Variants in PAMR1 observed in about 807,000 individuals in gnomAD.
PAMR1 encodes the protein inactive serine protease PAMR1.
In PAMR1, 88 loss-of-function variants were observed where a neutral mutation model predicts 81.8. The ratio of observed to expected loss-of-function variants is 1.08; its 90% CI spans 0.91 to 1.28. PAMR1 has a LOEUF of 1.28. Ranked by LOEUF, PAMR1 falls within the 50% of genes most tolerant of loss-of-function variation. PAMR1 has a pLI of 0.00. For synonymous variants in PAMR1, 336 were observed against 345.3 expected, an observed-to-expected ratio of 0.97 and a Z score of 0.30; for missense variants, 935 against 919.7, an observed-to-expected ratio of 1.02 and a Z score of -0.21.
chr11:35,505,438 T>C (rs1338098175), intron 1 of PAMR1, among the ~76,000 whole-genome samples: 1 of 152,142 alleles, frequency 6.6e-6, no homozygotes, highest in Non-Finnish European at 1.5e-5. Context: ...GAGTAGGGTG[T>C]TGAAGTCCCC....
At chr11:35,477,461 A>G (rs1025428150) in intron 3 of PAMR1, among the ~76,000 whole-genome samples, 1 of 152,192 alleles carries the variant, frequency 6.6e-6, no homozygotes, top group Non-Finnish European at 1.5e-5. Flanking sequence ...CGTTATCCTA[A>G]TGGTAAAGCA....
chr11:35,496,547 T>C (rs1264508039), intron 1 of PAMR1, among the ~76,000 whole-genome samples: 1 of 152,120 alleles, frequency 6.6e-6, no homozygotes, highest in Non-Finnish European at 1.5e-5. Context: ...GAAATGCAAA[T>C]CAAAATCACA....
At chr11:35,468,178 C>T (rs1237147969) in intron 5 of PAMR1, 70 bp from the exon 6 acceptor site, 1 of 894,148 alleles carries the variant, frequency 1.1e-6, no homozygotes, top group Non-Finnish European at 1.7e-6. Flanking sequence ...AGAGTCTTGA[C>T]CAAAGTCTTT....
At chr11:35,447,482 C>T (rs116413877) in intron 6 of PAMR1, among the ~76,000 whole-genome samples, 1,792 of 152,136 alleles carry the variant, frequency 0.012, 38 homozygotes, top group African/African-American at 0.041. Flanking sequence ...GGGTTACAGG[C>T]GTGAGCCATT....
intron 3 of PAMR1, among the ~76,000 whole-genome samples, chr11:35,485,877 G>T (rs1163792151): frequency 6.6e-6 from 1 of 152,220 alleles, no homozygotes; most frequent in Non-Finnish European, 1.5e-5. Context: ...AGGATCGCTT[G>T]GGCGCCATCT....
chr11:35,435,336 T>C (rs910379042), intron 9 of PAMR1, among the ~76,000 whole-genome samples: 1 of 152,226 alleles, frequency 6.6e-6, no homozygotes, highest in African/African-American at 2.4e-5. Context: ...CATAACCTTA[T>C]GATGTAATTA....
chr11:35,433,494 A>G (rs557007350), intron 10 of PAMR1, among the ~76,000 whole-genome samples: 2 of 152,286 alleles, frequency 1.3e-5, no homozygotes, highest in African/African-American at 2.4e-5. Flanking sequence ...AGGAGCACAC[A>G]TCTTGTAAAA....
chr11:35,495,000 G>T (rs1241550719), intron 1 of PAMR1, among the ~76,000 whole-genome samples: 3 of 152,124 alleles, frequency 2.0e-5, no homozygotes, highest in African/African-American at 7.2e-5. Flanking sequence ...CGACTACATA[G>T]GTTGTGCACT....
chr11:35,519,816 ACAGC>A (rs1046638428), intron 1 of PAMR1, among the ~76,000 whole-genome samples: 1 of 152,170 alleles, frequency 6.6e-6, no homozygotes, highest in Non-Finnish European at 1.5e-5. Context: ...TCGCCAAAAT[ACAGC>A]CAGCAGATCT....
upstream of PAMR1, chr11:35,525,721 C>T (rs111698048): frequency 3.4e-4 from 239 of 700,736 alleles, 1 homozygote; most frequent in African/African-American, 3.7e-3. Context: ...TCGCCAGGCT[C>T]TCCCATCCTC....
At chr11:35,482,110 C>A (rs1033137235) in intron 3 of PAMR1, among the ~76,000 whole-genome samples, 1 of 152,122 alleles carries the variant, frequency 6.6e-6, no homozygotes, top group Non-Finnish European at 1.5e-5. Flanking sequence ...AGTCTTTGCC[C>A]ATGCCTATGT....
At chr11:35,491,956 G>C in intron 3 of PAMR1, 89 bp downstream of exon 3, 2 of 1,228,074 alleles carry the variant, frequency 1.6e-6, no homozygotes, top group African/African-American at 1.5e-5. Context: ...CCAAAACTCA[G>C]ATTCCAAGGA....
intron 3 of PAMR1, among the ~76,000 whole-genome samples, chr11:35,485,136 CA>C (rs781200563): frequency 2.6e-5 from 4 of 152,106 alleles, no homozygotes; most frequent in Admixed American, 6.5e-5. Flanking sequence ...ATTTGAGGGT[CA>C]GGGGTAGAAT....
intron 3 of PAMR1, among the ~76,000 whole-genome samples, chr11:35,481,878 G>T (rs1343300059): frequency 6.6e-6 from 1 of 151,948 alleles, no homozygotes; most frequent in Non-Finnish European, 1.5e-5. Context: ...TTTTTGATGG[G>T]GTTGTTTGTT....
intron 1 of PAMR1, among the ~76,000 whole-genome samples, chr11:35,510,721 C>A (rs1019604359): frequency 6.6e-6 from 1 of 152,148 alleles, no homozygotes; most frequent in Non-Finnish European, 1.5e-5. Context: ...GAAACTGTTT[C>A]TTTTCTTGTA....
chr11:35,470,639 T>C lies in PAMR1; in HGVS notation c.674A>G (p.Asn225Ser). The change falls in exon 5 of 11, where the codon AAT becomes AGT. Residue 225 changes from asparagine to serine, a missense_variant. Transcript: ENST00000619888. ...HVLFHSDGSKNFDGFHAIYEE... is the reference protein window; with the variant it reads ...HVLFHSDGSKSFDGFHAIYEE... Reference sequence around the variant, plus strand: ...ATAAATGGCATGGAAACCGTCAAAATTCTTGGAGCCATCGGAGTGGAAGAG... The same window carrying C: ...ATAAATGGCATGGAAACCGTCAAAACTCTTGGAGCCATCGGAGTGGAAGAG... 1 of 1,614,190 alleles carries C rather than the reference T, an allele frequency of 6.2e-7. No individual in the cohort carries two copies. The highest frequency in any genetic ancestry group is 1.3e-5 in the African/African-American group (1 of 75,046).
chr11:35,498,778 T>C (rs1053609320), intron 1 of PAMR1, among the ~76,000 whole-genome samples: 1 of 152,188 alleles, frequency 6.6e-6, no homozygotes, highest in Admixed American at 6.5e-5. Flanking sequence ...CCACATTTGC[T>C]TCTCCCAAGG....
chr11:35,477,927 C>G (rs1850312444), intron 3 of PAMR1, among the ~76,000 whole-genome samples: 1 of 152,140 alleles, frequency 6.6e-6, no homozygotes, highest in South Asian at 2.1e-4. Context: ...CCCCATCTAC[C>G]CATCTGCTGC....
intron 1 of PAMR1, among the ~76,000 whole-genome samples, chr11:35,501,415 G>A (rs1446088423): frequency 6.6e-6 from 1 of 152,000 alleles, no homozygotes; most frequent in Non-Finnish European, 1.5e-5. Context: ...TTACAGGTGT[G>A]AGCCACTGCA....
Sources: allele counts gnomAD v4.1 joint callset (sites outside exome capture counted in the v4.1 genomes callset), GRCh38; gene constraint gnomAD v4.1.1; transcripts MANE v1.5; gene names NCBI Gene and HGNC (gene_info 2026-07-23, HGNC 2026-07-21).